Variants in ABCC4 observed in about 807,000 individuals in gnomAD.
ABCC4 encodes the protein ATP binding cassette subfamily C member 4 (PEL blood group).
In ABCC4, 102 loss-of-function variants were observed where a neutral mutation model predicts 168.5. The observed-to-expected ratio is 0.61, with a 90% CI of 0.52 to 0.71. The LOEUF (loss-of-function observed/expected upper bound fraction) is 0.71. ABCC4 is among the 30% of genes least tolerant of loss of function. The probability of loss-of-function intolerance (pLI) is 0.00; values close to 1 mark genes in which losing one functional copy is unlikely to be tolerated. For missense variants in ABCC4, 1,402 were observed against 1,605.8 expected (o/e 0.87, Z 2.17); for synonymous variants, 617 against 590.7 (o/e 1.04, Z -0.65).
At chr13:95,218,020 A>G (rs1049223927) in intron 4 of ABCC4, among the ~76,000 whole-genome samples, 1 of 152,358 alleles carries the variant, frequency 6.6e-6, no homozygotes, top group South Asian at 2.1e-4. Flanking sequence ...TGCTGTAAGT[A>G]AAGTCAGAGT....
chr13:95,216,336 C>T (rs1198390344), intron 4 of ABCC4, among the ~76,000 whole-genome samples: 1 of 152,094 alleles, frequency 6.6e-6, no homozygotes, highest in East Asian at 1.9e-4. Flanking sequence ...AATGTATCAT[C>T]GTTCTGCAAA....
intron 28 of ABCC4, 108 bp downstream of exon 28, chr13:95,044,158 T>A: frequency 8.9e-6 from 10 of 1,123,696 alleles, no homozygotes; most frequent in Non-Finnish European, 1.2e-5. Context: ...TAAAATGTTA[T>A]GTCTGGGGCA....
chr13:95,034,594 A>G lies in ABCC4; in HGVS notation c.3870+11T>C, dbSNP rs1350527580. ...ACAAACTTTAATTACAACTCCTTGG[A>G]GCACGCTCACCTGTTTTGCTGTTTC... On this transcript the variant is annotated intron_variant, in intron 30 of 30. Coordinates refer to ENST00000645237, the MANE Select transcript of ABCC4 (RefSeq NM_005845.5). 5.6e-6 allele frequency: 9 copies of G among 1,610,364 alleles called. No homozygotes were observed. The highest frequency in any genetic ancestry group is 5.9e-6 in the Non-Finnish European group (7 of 1,179,124).
At chr13:95,171,788 C>A (rs1189112271) in intron 13 of ABCC4, among the ~76,000 whole-genome samples, 10 of 152,164 alleles carry the variant, frequency 6.6e-5, no homozygotes, top group Non-Finnish European at 1.3e-4. Flanking sequence ...TAAACTATCA[C>A]TTCATCCTTT....
chr13:95,165,058 T>C (rs951821357), intron 15 of ABCC4, among the ~76,000 whole-genome samples: 1 of 152,080 alleles, frequency 6.6e-6, no homozygotes, highest in Non-Finnish European at 1.5e-5. Context: ...GATAAGGAAA[T>C]ATCATTTGGA....
chr13:95,137,517 G>A (rs2036179524), intron 19 of ABCC4, among the ~76,000 whole-genome samples: 2 of 152,100 alleles, frequency 1.3e-5, no homozygotes, highest in Admixed American at 1.3e-4. Context: ...ATATTTAAGG[G>A]GGGGTAAAAT....
chr13:95,201,779 C>T (rs779276232), intron 8 of ABCC4, among the ~76,000 whole-genome samples: 1 of 152,126 alleles, frequency 6.6e-6, no homozygotes, highest in African/African-American at 2.4e-5. Context: ...TCGAGACCTG[C>T]CTGGCCAACG....
In ABCC4 at chr13:95,186,691, C is replaced by T. The variant is rs1265556051; in HGVS notation, c.1545+10G>A. On this transcript the variant is annotated intron_variant, in intron 11 of 30. Coordinates refer to ENST00000645237, the MANE Select transcript of ABCC4 (RefSeq NM_005845.5). ...ATTCGAGTACATGAAATCCAAAAGT[C>T]ATCACTCACCTTTTTCAGAGCACAA... The T allele has an allele frequency of 1.2e-6, 2 of 1,608,392 alleles. No homozygotes were observed. The highest frequency in any genetic ancestry group is 1.1e-5 in the South Asian group (1 of 90,454).
rs560937342 is a variant in ABCC4 at position 95,044,043 on chromosome 13, G to A, written c.3629+223C>T. 1.2e-4 allele frequency among the ~76,000 whole-genome samples: 18 copies of A among 152,276 alleles called. No homozygotes were observed. The South Asian group carries it at 2.9e-3, about 25-fold the overall frequency. Reference sequence around the variant, plus strand: ...AATTGCTTAAAGCTGATTATTGGGAGTGGATTTTAGGAATCTAGCTCTCCT... The same window carrying A: ...AATTGCTTAAAGCTGATTATTGGGAATGGATTTTAGGAATCTAGCTCTCCT... On this transcript the variant is annotated intron_variant, in intron 28 of 30. Transcript: ENST00000645237.
At chr13:95,091,769 A>G (rs1263636641) in intron 20 of ABCC4, among the ~76,000 whole-genome samples, 1 of 152,122 alleles carries the variant, frequency 6.6e-6, no homozygotes, top group Non-Finnish European at 1.5e-5. Flanking sequence ...AAAAAAACAC[A>G]AAGTACACAG....
intron 19 of ABCC4, among the ~76,000 whole-genome samples, chr13:95,129,904 C>T (rs748618702): frequency 1.3e-4 from 20 of 151,958 alleles, no homozygotes; most frequent in Non-Finnish European, 2.8e-4. Context: ...GTGAAACCCT[C>T]TCTCCACTAA....
At chr13:95,040,803 T>C (rs1445734591) in intron 29 of ABCC4, among the ~76,000 whole-genome samples, 3 of 152,240 alleles carry the variant, frequency 2.0e-5, no homozygotes, top group Non-Finnish European at 2.9e-5. Context: ...TAAAAAGAGA[T>C]TTGGGTTTAG....
chr13:95,101,377 G>C (rs2034801161), intron 20 of ABCC4, among the ~76,000 whole-genome samples: 1 of 151,774 alleles, frequency 6.6e-6, no homozygotes, highest in African/African-American at 2.4e-5. Flanking sequence ...TTTAGATGAG[G>C]GGTGTGTAGG....
intron 19 of ABCC4, among the ~76,000 whole-genome samples, chr13:95,145,608 C>A: frequency 6.8e-6 from 1 of 148,090 alleles, no homozygotes; most frequent in Non-Finnish European, 1.5e-5. Flanking sequence ...CAGAGGAGAC[C>A]CCATCTCCAA....
chr13:95,130,230 A>G (rs910317607), intron 19 of ABCC4, among the ~76,000 whole-genome samples: 8 of 152,236 alleles, frequency 5.3e-5, no homozygotes, highest in Non-Finnish European at 7.3e-5. Flanking sequence ...CATGCAGACA[A>G]TATCAGTGAA....
intron 19 of ABCC4, among the ~76,000 whole-genome samples, chr13:95,120,790 G>A (rs1566437656): frequency 6.6e-6 from 1 of 152,146 alleles, no homozygotes; most frequent in South Asian, 2.1e-4. Context: ...AAATGGTGTC[G>A]AGAGAATTGA....
Position 95,121,007 on chromosome 13 carries a change from A to C in ABCC4, c.2456-5006T>G, listed in dbSNP as rs189379115. ...TCACTCAGCTTAGACCAAAATGAGAACCAAACAGGAGATCTAGAAGTCCAG... is the reference window on the plus strand; with the variant it reads ...TCACTCAGCTTAGACCAAAATGAGACCCAAACAGGAGATCTAGAAGTCCAG... On this transcript the variant is annotated intron_variant, in intron 19 of 30. Transcript: ENST00000645237. Among the ~76,000 whole-genome samples the C allele has an allele frequency of 2.2e-3, 338 of 152,304 alleles. 2 individuals carry two copies. The highest frequency in any genetic ancestry group is 7.8e-3 in the African/African-American group (325 of 41,568).
chr13:95,267,426 C>T (rs1034188898), intron 1 of ABCC4, among the ~76,000 whole-genome samples: 1 of 152,218 alleles, frequency 6.6e-6, no homozygotes, highest in African/African-American at 2.4e-5. Context: ...CCACATGGAA[C>T]TGTCCATTAA....
intron 1 of ABCC4, among the ~76,000 whole-genome samples, chr13:95,252,985 T>G (rs1226184521): frequency 6.6e-6 from 1 of 152,256 alleles, no homozygotes; most frequent in Non-Finnish European, 1.5e-5. Flanking sequence ...TGCTGTCTGG[T>G]GACCACCCTA....
Sources: gnomAD v4.1 joint callset for allele counts (sites outside exome capture counted in the v4.1 genomes callset) on GRCh38, gnomAD v4.1.1 for gene constraint, MANE v1.5 for transcripts, NCBI Gene and HGNC (gene_info 2026-07-23, HGNC 2026-07-21) for gene names.